NLGN1: variants seen among roughly 807,000 people sequenced by gnomAD.
NLGN1 encodes neuroligin 1.
In NLGN1, 12 loss-of-function variants were observed where a neutral mutation model predicts 65.5. That is an observed-to-expected ratio of 0.18 (90% CI 0.12 to 0.30). NLGN1 has a LOEUF of 0.30. NLGN1 is among the 10% of genes least tolerant of loss of function. The probability of loss-of-function intolerance (pLI) is 1.00; values close to 1 mark genes in which losing one functional copy is unlikely to be tolerated. For synonymous variants in NLGN1, 350 were observed against 359.5 expected (o/e 0.97, Z 0.30); for missense variants, 750 against 1,007.1 (o/e 0.74, Z 3.46).
intron 4 of NLGN1, among the ~76,000 whole-genome samples, chr3:174,048,517 A>G (rs992004066): frequency 6.6e-6 from 1 of 151,964 alleles, no homozygotes; most frequent in Non-Finnish European, 1.5e-5. Context: ...ACAAGGCCGC[A>G]GATAATTACT....
At chr3:174,195,342 A>G (rs1450129164) in intron 4 of NLGN1, among the ~76,000 whole-genome samples, 1 of 152,214 alleles carries the variant, frequency 6.6e-6, no homozygotes, top group Non-Finnish European at 1.5e-5. Flanking sequence ...ATGTTTGATG[A>G]TATTTCAGAG....
intron 4 of NLGN1, among the ~76,000 whole-genome samples, chr3:173,824,910 TCATTGACTAGCGTTGAACAC>T (rs1268191310): frequency 6.6e-6 from 1 of 152,110 alleles, no homozygotes; most frequent in Non-Finnish European, 1.5e-5. Context: ...GAAATATCTT[TCATTGACTAGCGTTGAACAC>T]CATGATTTTC....
At chr3:173,764,600 G>A (rs757009058) in intron 3 of NLGN1, among the ~76,000 whole-genome samples, 1 of 152,122 alleles carries the variant, frequency 6.6e-6, no homozygotes, top group African/African-American at 2.4e-5. Flanking sequence ...AACAGATTGG[G>A]CTACCACAAA....
chr3:173,623,899 A>T (rs1754409443), intron 3 of NLGN1, among the ~76,000 whole-genome samples: 1 of 152,176 alleles, frequency 6.6e-6, no homozygotes, highest in African/African-American at 2.4e-5. Flanking sequence ...TATTTAAATT[A>T]TCTTGCCGTC....
chr3:173,509,032 C>T (rs1732495748), intron 2 of NLGN1, among the ~76,000 whole-genome samples: 1 of 152,122 alleles, frequency 6.6e-6, no homozygotes, highest in Non-Finnish European at 1.5e-5. Flanking sequence ...CATCCCAAGT[C>T]CATCAGAAAG....
the NLGN1 span, among the ~76,000 whole-genome samples, chr3:174,294,003 T>C: frequency 6.6e-6 from 1 of 151,642 alleles, no homozygotes; most frequent in Non-Finnish European, 1.5e-5. Flanking sequence ...TTCTTCCAAA[T>C]AGAAAGTTTG....
intron 4 of NLGN1, among the ~76,000 whole-genome samples, chr3:173,832,694 A>G (rs1722847840): frequency 1.3e-5 from 2 of 152,230 alleles, no homozygotes; most frequent in Admixed American, 1.3e-4. Context: ...TCACGTTAAA[A>G]ACACATCGTT....
intron 4 of NLGN1, among the ~76,000 whole-genome samples, chr3:173,884,051 AC>A (rs1231079443): frequency 1.3e-5 from 2 of 149,882 alleles, no homozygotes; most frequent in Non-Finnish European, 3.0e-5. Flanking sequence ...TTTCTTACTG[AC>A]TTTTTTTTTT....
At chr3:174,211,522 G>T (rs1462702419) in intron 4 of NLGN1, among the ~76,000 whole-genome samples, 1 of 151,180 alleles carries the variant, frequency 6.6e-6, no homozygotes, top group Non-Finnish European at 1.5e-5. Context: ...TACAAACCTT[G>T]AGCTAGATAC....
chr3:173,478,806 A>G (rs1480025679), intron 2 of NLGN1, among the ~76,000 whole-genome samples: 3 of 151,934 alleles, frequency 2.0e-5, no homozygotes, highest in Non-Finnish European at 4.4e-5. Flanking sequence ...GAATCACTTG[A>G]ACCTGTGAGG....
chr3:174,141,741 G>C (rs1243372309), intron 4 of NLGN1, among the ~76,000 whole-genome samples: 1 of 152,162 alleles, frequency 6.6e-6, no homozygotes, highest in Non-Finnish European at 1.5e-5. Context: ...TGCTAGAGAA[G>C]TGGGGAGAGA....
chr3:174,147,224 G>A (rs1278925380), intron 4 of NLGN1, among the ~76,000 whole-genome samples: 1 of 152,004 alleles, frequency 6.6e-6, no homozygotes, highest in Non-Finnish European at 1.5e-5. Context: ...GATGTCATAG[G>A]TAGCGTCTGT....
chr3:173,504,751 T>C (rs1185579341), intron 2 of NLGN1, among the ~76,000 whole-genome samples: 2 of 152,122 alleles, frequency 1.3e-5, no homozygotes, highest in Non-Finnish European at 2.9e-5. Flanking sequence ...GTCCTCTTCA[T>C]TGGTGATCTC....
intron 4 of NLGN1, among the ~76,000 whole-genome samples, chr3:173,923,321 T>C (rs986927312): frequency 3.3e-5 from 5 of 152,116 alleles, no homozygotes; most frequent in Admixed American, 6.6e-5. Flanking sequence ...AAAAGGACTT[T>C]CCAAAAGTTT....
chr3:173,970,760 A>C (rs1716049475), intron 4 of NLGN1, among the ~76,000 whole-genome samples: 1 of 152,140 alleles, frequency 6.6e-6, no homozygotes, highest in Non-Finnish European at 1.5e-5. Flanking sequence ...CCTTATCTGC[A>C]AAATACTTGC....
At chr3:173,739,316 G>A (rs1352052762) in intron 3 of NLGN1, among the ~76,000 whole-genome samples, 2 of 152,056 alleles carry the variant, frequency 1.3e-5, no homozygotes, top group Non-Finnish European at 1.5e-5. Flanking sequence ...TTTTGATTGA[G>A]AATATACTGT....
chr3:174,161,485 A>G (rs1043463993), intron 4 of NLGN1, among the ~76,000 whole-genome samples: 1 of 151,878 alleles, frequency 6.6e-6, no homozygotes, highest in African/African-American at 2.4e-5. Flanking sequence ...CAGAAAGCTA[A>G]TCACTGAGAC....
intron 4 of NLGN1, among the ~76,000 whole-genome samples, chr3:174,111,251 A>G (rs891993251): frequency 1.3e-5 from 2 of 152,006 alleles, no homozygotes; most frequent in Non-Finnish European, 2.9e-5. Context: ...ATGGGACTGT[A>G]GAAACTGGTG....
intron 3 of NLGN1, among the ~76,000 whole-genome samples, chr3:173,656,714 C>G (rs1760100601): frequency 1.3e-5 from 2 of 152,048 alleles, no homozygotes; most frequent in South Asian, 4.1e-4. Flanking sequence ...TCCAGGTCCT[C>G]AGCTCAGTCT....
Sources: allele counts gnomAD v4.1 joint callset (sites outside exome capture counted in the v4.1 genomes callset), GRCh38; gene constraint gnomAD v4.1.1; transcripts MANE v1.5; gene names NCBI Gene and HGNC (gene_info 2026-07-23, HGNC 2026-07-21).